Variants in SORL1 observed in about 807,000 individuals in gnomAD.
The protein encoded by SORL1 is sortilin related receptor 1.
Under a neutral mutation model 273.7 loss-of-function variants are expected in SORL1, and 127 were observed. The observed-to-expected ratio is 0.46, with a 90% CI of 0.40 to 0.54. The LOEUF is 0.54. SORL1 is among the 20% of genes least tolerant of loss of function. The probability of loss-of-function intolerance (pLI) is 0.00; values close to 1 mark genes in which losing one functional copy is unlikely to be tolerated. For missense variants in SORL1, 2,494 were observed against 2,846.1 expected, an observed-to-expected ratio of 0.88 and a Z score of 2.81; for synonymous variants, 1,031 against 1,067.4, an observed-to-expected ratio of 0.97 and a Z score of 0.66.
chr11:121,518,065 G>A lies in SORL1; in HGVS notation c.1212-2592G>A, dbSNP rs140290332. On this transcript the variant is annotated intron_variant, in intron 8 of 47. Transcript: ENST00000260197. ...GGATGTGCCAGGTGGGAGTCTCATG[G>A]AAAGCACTAGCTAGATGTTGGATGC... Among the ~76,000 whole-genome samples the A allele has an allele frequency of 3.4e-3, 525 of 152,328 alleles. 5 individuals are homozygous for A. The highest frequency in any genetic ancestry group is 5.2e-3 in the Non-Finnish European group (354 of 68,016).
At chr11:121,626,700 GGGAAGTCCA>G (rs1427044754) in intron 46 of SORL1, 2 of 152,212 alleles carry the variant, frequency 1.3e-5, no homozygotes, top group Non-Finnish European at 2.9e-5. Context: ...CCTAGACTGA[GGGAAGTCCA>G]GTCTGTTTCC....
chr11:121,477,992 A>G, intron 2 of SORL1, 126 bp from the exon 3 acceptor site: 3 of 1,046,912 alleles, frequency 2.9e-6, no homozygotes, highest in Non-Finnish European at 4.1e-6. Context: ...AGATCGCACC[A>G]TGGCACTGCA....
At chr11:121,536,268 C>G (rs1313429420) in intron 12 of SORL1, among the ~76,000 whole-genome samples, 2 of 152,094 alleles carry the variant, frequency 1.3e-5, no homozygotes, top group African/African-American at 4.8e-5. Flanking sequence ...TGGAAGCAGC[C>G]CCACAGTTCC....
rs1863899349 is a variant in SORL1, at chr11:121,633,280, ATCG to A, written c.*3720_*3722del. On this transcript the variant is annotated 3_prime_UTR_variant, in exon 48 of 48. Transcript: ENST00000260197. ...TTTGAGCAGCCATATTATGAATTAA[ATCG>A]TCACAGCCAAGTAATAACCCAAGAA... 6.6e-6 allele frequency: 1 copy of A among 152,194 alleles called. No individual in the cohort carries two copies. Among genetic ancestry groups the A allele is most frequent in the African/African-American group, 2.4e-5 (1 of 41,436 alleles). The allele number at this position is 152,194 out of a possible 1,614,324, so 9.4% of individuals were successfully genotyped here. A position where few individuals can be genotyped will look rare whatever the true frequency, so the allele number is the denominator to read the frequency against.
chr11:121,610,363 C>A (rs1863544764), intron 38 of SORL1: 1 of 152,158 alleles, frequency 6.6e-6, no homozygotes, highest in African/African-American at 2.4e-5. Flanking sequence ...CTTCTCCTTG[C>A]CCCCTCGACT....
At chr11:121,484,766 GT>G (rs1045866478) in intron 3 of SORL1, among the ~76,000 whole-genome samples, 2 of 152,056 alleles carry the variant, frequency 1.3e-5, no homozygotes, top group African/African-American at 4.8e-5. Flanking sequence ...TTCTTCTTTT[GT>G]TTTTGAGACA....
At chr11:121,593,679 G>A (rs1863250491) in intron 31 of SORL1, among the ~76,000 whole-genome samples, 1 of 152,170 alleles carries the variant, frequency 6.6e-6, no homozygotes, top group South Asian at 2.1e-4. Flanking sequence ...TGATGACGCA[G>A]TGGCCAAGGA....
intron 40 of SORL1, among the ~76,000 whole-genome samples, chr11:121,613,976 T>TC (rs1440120279): frequency 6.6e-6 from 1 of 152,202 alleles, no homozygotes; most frequent in East Asian, 1.9e-4. Context: ...GTTATTTTTT[T>TC]CTCCATCTTA....
chr11:121,564,059 A>G (rs1436849146), intron 21 of SORL1, among the ~76,000 whole-genome samples: 1 of 152,172 alleles, frequency 6.6e-6, no homozygotes, highest in East Asian at 1.9e-4. Context: ...TCACGGGGCT[A>G]TGTGTTTGAT....
In SORL1 at chr11:121,570,183, C is replaced by G. The variant is rs1591331869; in HGVS notation, c.3250C>G (p.Arg1084Gly). 1.9e-6 allele frequency: 3 copies of G among 1,613,758 alleles called. No homozygotes were observed. The highest frequency in any genetic ancestry group is 1.3e-5 in the African/African-American group (1 of 74,916). Residue 1084 changes from arginine (R) to glycine (G), a missense_variant, in exon 23 of 48, where the codon CGC becomes GGC. By Grantham distance (125) the Arg-to-Gly change is moderately radical. This residue lies in a region of SORL1 where 1,609 missense variants were observed against 1,816.4 expected (regional missense o/e 0.89). Transcript: ENST00000260197. ...GAACACCTGTCTTCGCAACCAGTATCGCTGCAGCAACGGGAACTGTATCAA... is the reference window on the plus strand; with the variant it reads ...GAACACCTGTCTTCGCAACCAGTATGGCTGCAGCAACGGGAACTGTATCAA... Reference protein sequence around the residue: ...QENTCLRNQYRCSNGNCINSI... With the variant: ...QENTCLRNQYGCSNGNCINSI...
chr11:121,624,951 A>C (rs1863773064), intron 45 of SORL1, 134 bp from the exon 46 acceptor site: 1 of 595,684 alleles, frequency 1.7e-6, no homozygotes, highest in East Asian at 2.9e-5. Context: ...TGTAAAAAGA[A>C]CAAGGAGAAA....
chr11:121,577,265 A>G lies in SORL1; in HGVS notation c.3461-16A>G, dbSNP rs1189626811. On this transcript the variant is annotated splice_polypyrimidine_tract_variant and intron_variant, in intron 24 of 47. Transcript: ENST00000260197. ...AGCTTTTGTCCTCACCTCTCTGTTT[A>G]TGGTCTCACCTGCAGAAATGCACCA... 6.4e-7 allele frequency: 1 copy of G among 1,570,378 alleles called. No homozygotes were observed. Among genetic ancestry groups the G allele is most frequent in the Non-Finnish European group, 8.6e-7 (1 of 1,159,836 alleles).
chr11:121,543,789 A>G, intron 13 of SORL1, 63 bp downstream of exon 13: 1 of 1,475,996 alleles, frequency 6.8e-7, no homozygotes, highest in Non-Finnish European at 9.3e-7. Context: ...TTATGTGCAA[A>G]GCACCAGCTT....
chr11:121,607,299 C>T lies in SORL1; in HGVS notation c.5166+9C>T, dbSNP rs780618992. 5 of 1,467,218 alleles carry T rather than the reference C, an allele frequency of 3.4e-6. No individual in the cohort carries two copies. Among genetic ancestry groups the T allele is most frequent in the African/African-American group, 2.8e-5 (2 of 72,178 alleles). The allele number at this position is 1,467,218 out of a possible 1,614,324, so 90.9% of individuals were successfully genotyped here. The stretch of plus-strand genomic sequence containing the variant: ...CTCTATACACCGTCAGAGTGAGTGT[C>T]GTCATCCATTCCAGCCATCCATGCA... On this transcript the variant is annotated intron_variant, in intron 37 of 47. Coordinates refer to ENST00000260197, the MANE Select transcript of SORL1 (RefSeq NM_003105.6).
intron 2 of SORL1, among the ~76,000 whole-genome samples, chr11:121,471,338 C>G (rs184067583): frequency 6.6e-6 from 1 of 152,316 alleles, no homozygotes; most frequent in East Asian, 1.9e-4. Context: ...ACTGCTGAGT[C>G]TTACAAGTTG....
At chr11:121,590,955 A>T in intron 30 of SORL1, 46 bp from the exon 31 acceptor site, 1 of 1,612,282 alleles carries the variant, frequency 6.2e-7, no homozygotes, top group Non-Finnish European at 8.5e-7. Context: ...TCTAAGATCA[A>T]GCTGCTTCTA....
chr11:121,619,189 C>A (rs1432242446), intron 42 of SORL1, among the ~76,000 whole-genome samples: 1 of 152,144 alleles, frequency 6.6e-6, no homozygotes, highest in Non-Finnish European at 1.5e-5. Context: ...AGCCTACATA[C>A]TTTTATGTGT....
chr11:121,532,772 A>G (rs1479000699), intron 12 of SORL1, among the ~76,000 whole-genome samples: 1 of 147,866 alleles, frequency 6.8e-6, no homozygotes, highest in Non-Finnish European at 1.5e-5. Context: ...TGCAACCTCC[A>G]CCTCCTGGGT....
chr11:121,515,166 C>G (rs1258080078), intron 8 of SORL1, among the ~76,000 whole-genome samples: 1 of 152,206 alleles, frequency 6.6e-6, no homozygotes, highest in African/African-American at 2.4e-5. Flanking sequence ...CTCTGCCAGA[C>G]AGTGTTCTAG....
Sources: allele counts gnomAD v4.1 joint callset (sites outside exome capture counted in the v4.1 genomes callset), GRCh38; gene constraint gnomAD v4.1.1; regional missense constraint gnomAD v4.1.1; transcripts MANE v1.5; gene names NCBI Gene and HGNC (gene_info 2026-07-23, HGNC 2026-07-21).